The following MYO5A variants were observed in gnomAD, a reference collection of about 807,000 sequenced individuals.
MYO5A encodes the protein unconventional myosin-Va.
A neutral mutation model predicts 249.7 loss-of-function variants in MYO5A; 98 were observed. The observed-to-expected ratio is 0.39, with a 90% CI of 0.33 to 0.46. The LOEUF is 0.46. MYO5A is among the 20% of genes least tolerant of loss of function. MYO5A has a pLI of 0.98. For synonymous variants in MYO5A, 778 were observed against 810.6 expected, an observed-to-expected ratio of 0.96 and a Z score of 0.68; for missense variants, 1,696 against 2,308.8, an observed-to-expected ratio of 0.73 and a Z score of 5.44.
rs1326797570 is a variant in MYO5A at position 52,398,452 on chromosome 15, T to C, written c.1054-986A>G. Reference sequence around the variant, plus strand: ...TGTCTCTGGTGGATAACTGAGGAAATAGGACCCAAGAGAACAAATAGCTTG... The same window carrying C: ...TGTCTCTGGTGGATAACTGAGGAAACAGGACCCAAGAGAACAAATAGCTTG... On this transcript the variant is annotated intron_variant, in intron 9 of 41. Coordinates refer to ENST00000399233, the MANE Select transcript of MYO5A (RefSeq NM_001382347.1). Among the ~76,000 whole-genome samples the C allele has an allele frequency of 5.3e-5, 8 of 152,252 alleles. No individual in the cohort carries two copies. The East Asian group carries it at 7.7e-4, about 15-fold the overall frequency.
rs533246100 is a variant in MYO5A, at chr15:52,500,892, T to C, written c.27+27888A>G. Among the ~76,000 whole-genome samples, 298 of 152,224 alleles carry C rather than the reference T, an allele frequency of 2.0e-3. 1 individual carries two copies. The highest frequency in any genetic ancestry group is 7.0e-3 in the African/African-American group (292 of 41,562). ...GATCAGGAGTGAGGCATCTCAATTCTAAAAGCATCAAACAATGCTTTAAAT... is the reference window on the plus strand; with the variant it reads ...GATCAGGAGTGAGGCATCTCAATTCCAAAAGCATCAAACAATGCTTTAAAT... On this transcript the variant is annotated intron_variant, in intron 1 of 41. Coordinates refer to ENST00000399233, the MANE Select transcript of MYO5A (RefSeq NM_001382347.1).
chr15:52,397,241 C>G lies in MYO5A; in HGVS notation c.1279G>C (p.Val427Leu), dbSNP rs758739543. ...DNVNQALHSA[V>L]KQHSFIGVLD... ...ACACCAATAAAAGAGTGCTGTTTGA[C>G]AGCAGAATGGAGAGCCTGATTGACA... The change falls in exon 10 of 42, where the codon GTC becomes CTC. Residue 427 changes from valine (V) to leucine (L), a missense_variant. Physicochemically the swap from Val to Leu is conservative, Grantham distance 32. Around this residue, in one of 5 missense-constraint regions of MYO5A, gnomAD observed 185 missense variants for 204.8 expected, o/e 0.90. Transcript: ENST00000399233. 8 of 1,614,092 alleles carry G rather than the reference C, an allele frequency of 5.0e-6. No individual in the cohort carries two copies. The highest frequency in any genetic ancestry group is 6.8e-6 in the Non-Finnish European group (8 of 1,179,986).
chr15:52,347,002 T>C (rs894906403), intron 29 of MYO5A, among the ~76,000 whole-genome samples: 1 of 151,692 alleles, frequency 6.6e-6, no homozygotes, highest in African/African-American at 2.4e-5. Context: ...CAAAATTAAG[T>C]TTTTTTTCTC....
Position 52,319,200 on chromosome 15 carries a change from C to T in MYO5A, c.5094G>A (p.Ser1698=), listed in dbSNP as rs768731860. The change falls in exon 39 of 42, where the codon TCG becomes TCA. Residue 1698 remains serine, a synonymous_variant. Transcript: ENST00000399233. ...SILRQLNSFH[S]VMCQHGMDPE... ...GGTCCATGCCATGCTGACACATGAC[C>T]GAGTGGAAGGAGTTGAGCTGCCGGA... The T allele has an allele frequency of 1.4e-5, 23 of 1,614,004 alleles. No homozygotes were observed. The highest frequency in any genetic ancestry group is 4.0e-5 in the African/African-American group (3 of 74,884).
intron 1 of MYO5A, among the ~76,000 whole-genome samples, chr15:52,506,148 G>A (rs62023293): frequency 1.3e-5 from 2 of 152,078 alleles, no homozygotes; most frequent in African/African-American, 4.8e-5. Context: ...TCAGGAGATC[G>A]AGACCATCTT....
chr15:52,385,775 G>T (rs1256101720), intron 14 of MYO5A, among the ~76,000 whole-genome samples: 1 of 152,116 alleles, frequency 6.6e-6, no homozygotes, highest in Non-Finnish European at 1.5e-5. Flanking sequence ...GCTTCTATCA[G>T]ATGCAGTGAA....
rs149254009 is a variant in MYO5A at position 52,429,626 on chromosome 15, T to C, written c.139-1057A>G. 5.6e-3 allele frequency among the ~76,000 whole-genome samples: 854 copies of C among 152,152 alleles called. 6 individuals carry two copies. The highest frequency in any genetic ancestry group is 0.019 in the African/African-American group (799 of 41,510). Reference sequence around the variant, plus strand: ...ATCACTTGAACCCTGGAGGCAGAGGTTGCAGTGAGCCAAGATCACGCTACT... The same window carrying C: ...ATCACTTGAACCCTGGAGGCAGAGGCTGCAGTGAGCCAAGATCACGCTACT... On this transcript the variant is annotated intron_variant, in intron 2 of 41. Transcript: ENST00000399233.
At chr15:52,526,562 T>C (rs1045366847) in intron 1 of MYO5A, among the ~76,000 whole-genome samples, 2 of 152,150 alleles carry the variant, frequency 1.3e-5, no homozygotes, top group African/African-American at 4.8e-5. Flanking sequence ...GGTTTTGCCA[T>C]GTTGGTCAAG....
intron 25 of MYO5A, among the ~76,000 whole-genome samples, chr15:52,357,020 ATTAGAAAAAGTTTTAGGTATATAATC>A (rs2040262631): frequency 6.6e-6 from 1 of 152,080 alleles, no homozygotes; most frequent in South Asian, 2.1e-4. Context: ...ATACTTAACA[ATTAGAAAAAGTTTTAGGTATATAATC>A]TTTATAATAA....
At chr15:52,477,903 A>T (rs2076631009) in intron 1 of MYO5A, among the ~76,000 whole-genome samples, 1 of 152,098 alleles carries the variant, frequency 6.6e-6, no homozygotes, top group African/African-American at 2.4e-5. Flanking sequence ...CAGATCTCAA[A>T]CTCCATGCTG....
chr15:52,378,066 G>A (rs553658583), intron 18 of MYO5A, among the ~76,000 whole-genome samples: 4 of 152,064 alleles, frequency 2.6e-5, no homozygotes, highest in East Asian at 1.9e-4. Context: ...CCCGCATCCC[G>A]CTTCACACCT....
intron 1 of MYO5A, 83 bp downstream of exon 1, chr15:52,528,697 G>T: frequency 7.0e-7 from 1 of 1,428,176 alleles, no homozygotes; most frequent in South Asian, 1.4e-5. Context: ...TGGGCCCGGC[G>T]CTCCCGCCCC....
chr15:52,399,181 C>T (rs1044058520), intron 9 of MYO5A, among the ~76,000 whole-genome samples: 4 of 152,076 alleles, frequency 2.6e-5, no homozygotes, highest in Admixed American at 2.0e-4. Context: ...CAATAATCTC[C>T]CACTCTGATA....
At position 52,459,521 on chromosome 15, in the gene MYO5A, G is replaced by T. The variant is rs185749285; in HGVS notation, c.28-26236C>A. ...AGATTAACAGCATCCCAAGGCAGAA[G>T]AATTTTTCCTAGTACAGAACAAAAT... On this transcript the variant is annotated intron_variant, in intron 1 of 41. Transcript: ENST00000399233. Among the ~76,000 whole-genome samples the T allele has an allele frequency of 3.7e-3, 566 of 152,312 alleles. 6 individuals carry two copies. The South Asian group carries it at 0.047, about 13-fold the overall frequency.
chr15:52,384,106 G>T, intron 15 of MYO5A, 55 bp downstream of exon 15: 1 of 1,602,198 alleles, frequency 6.2e-7, no homozygotes, highest in Non-Finnish European at 8.5e-7. Flanking sequence ...AAGATCTGAG[G>T]TTTCAGATGA....
intron 11 of MYO5A, among the ~76,000 whole-genome samples, chr15:52,392,363 T>C (rs1218503774): frequency 6.6e-6 from 1 of 152,252 alleles, no homozygotes; most frequent in Non-Finnish European, 1.5e-5. Flanking sequence ...ACTATGTACT[T>C]TTGGCTTCTT....
chr15:52,307,568 T>C lies in MYO5A; in HGVS notation c.*6128A>G, dbSNP rs2037660347. On this transcript the variant is annotated 3_prime_UTR_variant, in exon 42 of 42. Transcript: ENST00000399233. ...GTCTAGAGTTAGTTGATAATGCCTT[T>C]CATGTCTCAGTATTTCTGCTTCCTT... 1 of 152,190 alleles carries C rather than the reference T, an allele frequency of 6.6e-6. No homozygotes were observed. Among genetic ancestry groups the C allele is most frequent in the Non-Finnish European group, 1.5e-5 (1 of 67,990 alleles). The allele number at this position is 152,190 out of a possible 1,614,324, so 9.4% of individuals were successfully genotyped here.
At chr15:52,399,622 T>A (rs1285293530) in intron 9 of MYO5A, among the ~76,000 whole-genome samples, 2 of 152,206 alleles carry the variant, frequency 1.3e-5, no homozygotes, top group African/African-American at 2.4e-5. Context: ...TTAGGAATGC[T>A]TCTTTTAAAA....
At chr15:52,433,334 C>A in intron 1 of MYO5A, 49 bp from the exon 2 acceptor site, 2 of 1,017,878 alleles carry the variant, frequency 2.0e-6, no homozygotes, top group African/African-American at 1.6e-5. Flanking sequence ...AATTATTTTA[C>A]AATCATATAT....
Sources: gnomAD v4.1 joint callset for allele counts (sites outside exome capture counted in the v4.1 genomes callset) on GRCh38, gnomAD v4.1.1 for gene constraint, gnomAD v4.1.1 regional missense constraint, MANE v1.5 for transcripts, NCBI Gene and HGNC (gene_info 2026-07-23, HGNC 2026-07-21) for gene names.